MAN1C1: variants seen among roughly 807,000 people sequenced by gnomAD.
MAN1C1 encodes mannosidase alpha class 1C member 1, also known as mannosyl-oligosaccharide 1,2-alpha-mannosidase IC.
A neutral mutation model predicts 71.5 loss-of-function variants in MAN1C1; 49 were observed. The ratio of observed to expected loss-of-function variants is 0.69; its 90% CI spans 0.54 to 0.87. MAN1C1 has a LOEUF of 0.87. MAN1C1 is among the 40% of genes least tolerant of loss of function. MAN1C1 has a pLI of 0.00. For synonymous variants in MAN1C1, 352 were observed against 343.7 expected, an observed-to-expected ratio of 1.02 and a Z score of -0.27; for missense variants, 743 against 835.0, an observed-to-expected ratio of 0.89 and a Z score of 1.36.
chr1:25,659,265 A>G (rs913680196), intron 1 of MAN1C1, among the ~76,000 whole-genome samples: 43 of 152,162 alleles, frequency 2.8e-4, no homozygotes, highest in African/African-American at 9.7e-4. Flanking sequence ...CCTGGGGCTT[A>G]CAGTTCTATT....
chr1:25,731,292 A>G (rs1396827635), intron 2 of MAN1C1, among the ~76,000 whole-genome samples: 1 of 152,212 alleles, frequency 6.6e-6, no homozygotes, highest in East Asian at 1.9e-4. Context: ...CTTGGACAAC[A>G]GAGTGAGACC....
chr1:25,704,303 G>C (rs1470809225), intron 2 of MAN1C1, among the ~76,000 whole-genome samples: 1 of 152,236 alleles, frequency 6.6e-6, no homozygotes, highest in Non-Finnish European at 1.5e-5. Context: ...GCTTCCTGAA[G>C]GCAGGAGCTG....
chr1:25,693,424 G>T (rs1452199765), intron 2 of MAN1C1, among the ~76,000 whole-genome samples: 9 of 152,130 alleles, frequency 5.9e-5, no homozygotes, highest in Non-Finnish European at 1.2e-4. Context: ...GAGGTCAGGA[G>T]TTCGAAACCA....
rs905271195 is a variant in MAN1C1, at chr1:25,753,113, C to A, written c.835-371C>A. On this transcript the variant is annotated intron_variant, in intron 4 of 11. Coordinates refer to ENST00000374332, the MANE Select transcript of MAN1C1 (RefSeq NM_020379.4). The surrounding 1 kb of genome is among the most constrained non-coding windows in gnomAD (Gnocchi z 4.9). ...CTGGACTTGGAGGTGCCCCCCACCC[C>A]CCGCACCTCACTGCTTTCTCCCTCA... Among the ~76,000 whole-genome samples the A allele has an allele frequency of 6.6e-6, 1 of 152,152 alleles. No individual in the cohort carries two copies. The highest frequency in any genetic ancestry group is 6.5e-5 in the Admixed American group (1 of 15,274).
intron 1 of MAN1C1, among the ~76,000 whole-genome samples, chr1:25,686,038 A>G (rs1467763575): frequency 1.3e-5 from 2 of 152,218 alleles, no homozygotes; most frequent in Non-Finnish European, 2.9e-5. Context: ...AAAATGGGTT[A>G]ACAATACCTA....
chr1:25,735,559 T>A lies in MAN1C1; in HGVS notation c.638-11109T>A, dbSNP rs2046972778. Reference sequence around the variant, plus strand: ...ATGTGTATGTATATATGTATATATATGACATAGGACTGTAAGAACATTGTA... The same window carrying A: ...ATGTGTATGTATATATGTATATATAAGACATAGGACTGTAAGAACATTGTA... On this transcript the variant is annotated intron_variant, in intron 2 of 11. Transcript: ENST00000374332. This position sits in a 1 kb window ranked among gnomAD's most constrained non-coding sequence, Gnocchi z 4.6. Among the ~76,000 whole-genome samples the A allele has an allele frequency of 6.6e-6, 1 of 152,222 alleles. No homozygotes were observed. Among genetic ancestry groups the A allele is most frequent in the Non-Finnish European group, 1.5e-5 (1 of 68,042 alleles).
intron 1 of MAN1C1, among the ~76,000 whole-genome samples, chr1:25,674,661 G>A (rs1023309915): frequency 6.6e-5 from 10 of 152,170 alleles, no homozygotes; most frequent in African/African-American, 1.9e-4. Flanking sequence ...GTGTGCAAAG[G>A]CCCTGTGGCA....
At position 25,778,129 on chromosome 1, in the gene MAN1C1, G is replaced by A. The variant is rs777996916; in HGVS notation, c.1282G>A (p.Val428Ile). Residue 428 changes from valine to isoleucine, a missense_variant, in exon 9 of 12, where the codon GTC becomes ATC. Val to Ile is a conservative substitution (Grantham distance 29, BLOSUM62 3). Coordinates refer to ENST00000374332, the MANE Select transcript of MAN1C1 (RefSeq NM_020379.4). The surrounding 1 kb of genome is among the most constrained non-coding windows in gnomAD (Gnocchi z 5.5). The part of the protein sequence containing the change: ...LEAIETYLLN[V>I]SPGGLTYIAE... ...GGCGATAGAGACCTACTTGCTGAAT[G>A]TCTCTCCCGGGGGGCTGACCTACAT... The A allele has an allele frequency of 2.5e-6, 4 of 1,574,106 alleles. No individual in the cohort carries two copies. In the South Asian group the frequency reaches 3.5e-5, roughly 14 times the overall value.
At chr1:25,737,966 G>A (rs2047005824) in intron 2 of MAN1C1, among the ~76,000 whole-genome samples, 2 of 152,108 alleles carry the variant, frequency 1.3e-5, no homozygotes, top group South Asian at 2.1e-4. Flanking sequence ...ACTTGCCACG[G>A]CTGGGACCAT....
At chr1:25,704,454 G>A (rs187124495) in intron 2 of MAN1C1, among the ~76,000 whole-genome samples, 1 of 150,826 alleles carries the variant, frequency 6.6e-6, no homozygotes, top group African/African-American at 2.4e-5. Flanking sequence ...GAGATAAGAG[G>A]GAAGCAGTAG....
chr1:25,617,695 G>A lies in MAN1C1; in HGVS notation c.-103G>A, dbSNP rs2045123453. 6.2e-6 allele frequency: 7 copies of A among 1,123,106 alleles called. No individual in the cohort carries two copies. In the Admixed American group the frequency reaches 1.8e-4, roughly 29 times the overall value. 69.6% of individuals were successfully genotyped at this position (1,123,106 alleles called of 1,614,324 possible). ...TCTCAGGGTTGGCAACCCTGCCCAGGGACCCCCATCCCGGGCGGCGCTCCG... is the reference window on the plus strand; with the variant it reads ...TCTCAGGGTTGGCAACCCTGCCCAGAGACCCCCATCCCGGGCGGCGCTCCG... On this transcript the variant is annotated 5_prime_UTR_variant, in exon 1 of 12. Coordinates refer to ENST00000374332, the MANE Select transcript of MAN1C1 (RefSeq NM_020379.4). This position sits in a 1 kb window ranked among gnomAD's most constrained non-coding sequence, Gnocchi z 5.1.
chr1:25,618,138 C>T lies in MAN1C1; in HGVS notation c.341C>T (p.Pro114Leu). 1 of 1,533,002 alleles carries T rather than the reference C, an allele frequency of 6.5e-7. No individual in the cohort carries two copies. The highest frequency in any genetic ancestry group is 8.7e-7 in the Non-Finnish European group (1 of 1,146,506). 95.0% of individuals were successfully genotyped at this position (1,533,002 alleles called of 1,614,324 possible). Residue 114 changes from proline (P) to leucine (L), a missense_variant, in exon 1 of 12, where the codon CCC becomes CTC. Transcript: ENST00000374332. ...AAAGGGGGGCTGCGGCGCACCCGCC[C>T]CACTGGACCCCGCGAGGAGGCCACG... ...RRKGGLRRTRPTGPREEATAA... is the reference protein window; with the variant it reads ...RRKGGLRRTRLTGPREEATAA...
chr1:25,727,627 C>T (rs758811831), intron 2 of MAN1C1, among the ~76,000 whole-genome samples: 4 of 152,258 alleles, frequency 2.6e-5, no homozygotes, highest in African/African-American at 4.8e-5. Context: ...GTGAAAGTCA[C>T]TGAGGCCAGA....
chr1:25,750,254 C>G (rs903552699), intron 4 of MAN1C1, among the ~76,000 whole-genome samples: 2 of 152,174 alleles, frequency 1.3e-5, no homozygotes, highest in Non-Finnish European at 2.9e-5. Context: ...TTGAAAACCA[C>G]AGAGCTCTTA....
At chr1:25,680,797 G>C (rs914828583) in intron 1 of MAN1C1, among the ~76,000 whole-genome samples, 2 of 152,200 alleles carry the variant, frequency 1.3e-5, no homozygotes, top group African/African-American at 4.8e-5. Flanking sequence ...TTGTGTGGCT[G>C]TATGTTGTTA....
chr1:25,659,197 C>T (rs1274589391), intron 1 of MAN1C1: 1 of 152,296 alleles, frequency 6.6e-6, no homozygotes, highest in Non-Finnish European at 1.5e-5. Context: ...GGGAAGCCTT[C>T]AGAGTCAAGG....
At chr1:25,690,825 G>A (rs139320431) in intron 2 of MAN1C1, among the ~76,000 whole-genome samples, 7 of 152,180 alleles carry the variant, frequency 4.6e-5, no homozygotes, top group Admixed American at 6.5e-5. Flanking sequence ...GCACTTGATC[G>A]GGGGGTGCTA....
chr1:25,754,108 A>G (rs2047253408), intron 5 of MAN1C1, among the ~76,000 whole-genome samples: 1 of 152,126 alleles, frequency 6.6e-6, no homozygotes, highest in Non-Finnish European at 1.5e-5. Context: ...AGCCCTAGCC[A>G]CTGTCCCTGT....
At chr1:25,636,827 T>C (rs1412092235) in intron 1 of MAN1C1, among the ~76,000 whole-genome samples, 1 of 152,212 alleles carries the variant, frequency 6.6e-6, no homozygotes, top group African/African-American at 2.4e-5. Flanking sequence ...CTGCTGTGGC[T>C]CCAGCTGGTC....
Sources: gnomAD v4.1 joint callset for allele counts (sites outside exome capture counted in the v4.1 genomes callset) on GRCh38, gnomAD v4.1.1 for gene constraint, Gnocchi (gnomAD v3.1) non-coding constraint, MANE v1.5 for transcripts, NCBI Gene and HGNC (gene_info 2026-07-23, HGNC 2026-07-21) for gene names.